The following SMYD3 variants were observed in gnomAD, a reference collection of about 807,000 sequenced individuals.
The protein encoded by SMYD3 is histone-lysine N-methyltransferase SMYD3.
In SMYD3, 36 loss-of-function variants were observed where a neutral mutation model predicts 57.7. That is an observed-to-expected ratio of 0.62 (90% CI 0.48 to 0.82). The LOEUF (loss-of-function observed/expected upper bound fraction) is 0.82. Ranked by LOEUF, SMYD3 falls within the 40% of genes least tolerant of loss-of-function variation. SMYD3 has a pLI of 0.00. For missense variants in SMYD3, 515 were observed against 538.8 expected (o/e 0.96, Z 0.44); for synonymous variants, 211 against 195.0 (o/e 1.08, Z -0.68).
intron 5 of SMYD3, among the ~76,000 whole-genome samples, chr1:246,152,047 G>C (rs1205965841): frequency 6.6e-6 from 1 of 152,208 alleles, no homozygotes; most frequent in African/African-American, 2.4e-5. Flanking sequence ...CGCTGTTTCT[G>C]GGAGCTCAAG....
At chr1:245,960,519 C>T (rs1156512644) in intron 5 of SMYD3, among the ~76,000 whole-genome samples, 3 of 152,028 alleles carry the variant, frequency 2.0e-5, no homozygotes, top group South Asian at 4.2e-4. Context: ...CTTAGAAGGC[C>T]GAGGCCAGCC....
intron 5 of SMYD3, among the ~76,000 whole-genome samples, chr1:246,319,392 G>C (rs528118457): frequency 1.5e-4 from 23 of 152,288 alleles, no homozygotes; most frequent in African/African-American, 5.1e-4. Flanking sequence ...CGCTTTTAGT[G>C]TTAAATATTT....
chr1:246,354,664 A>G (rs1387317254), intron 2 of SMYD3, among the ~76,000 whole-genome samples: 1 of 150,678 alleles, frequency 6.6e-6, no homozygotes, highest in Non-Finnish European at 1.5e-5. Context: ...TTTTTTTTAA[A>G]CATAGGATGT....
intron 10 of SMYD3, among the ~76,000 whole-genome samples, chr1:245,775,796 A>G (rs550582898): frequency 3.7e-4 from 56 of 152,300 alleles, no homozygotes; most frequent in Admixed American, 1.0e-3. Flanking sequence ...CTTAAAAAGG[A>G]TAAAGATGAA....
At chr1:245,983,699 T>A (rs1363908897) in intron 5 of SMYD3, among the ~76,000 whole-genome samples, 1 of 152,172 alleles carries the variant, frequency 6.6e-6, no homozygotes, top group East Asian at 1.9e-4. Context: ...CCTGAAAGTA[T>A]CCAAAGATTA....
At chr1:246,050,256 C>T (rs191950698) in intron 5 of SMYD3, among the ~76,000 whole-genome samples, 114 of 152,204 alleles carry the variant, frequency 7.5e-4, no homozygotes, top group African/African-American at 2.5e-3. Context: ...GCCAGGTAGC[C>T]CAGTGCAACA....
At chr1:246,104,393 G>A (rs565391349) in intron 5 of SMYD3, among the ~76,000 whole-genome samples, 1 of 152,356 alleles carries the variant, frequency 6.6e-6, no homozygotes, top group South Asian at 2.1e-4. Context: ...CTGTTCACCA[G>A]AGACTGTTGT....
intron 5 of SMYD3, chr1:245,955,879 T>G (rs1326137586): frequency 1.4e-6 from 1 of 703,966 alleles, no homozygotes; most frequent in Non-Finnish European, 1.7e-6. Flanking sequence ...GTTTTGGGTT[T>G]TTTTTTTTTT....
At chr1:246,287,297 C>T (rs1287959719) in intron 5 of SMYD3, among the ~76,000 whole-genome samples, 6 of 152,092 alleles carry the variant, frequency 3.9e-5, no homozygotes, top group East Asian at 3.8e-4. Context: ...ATATAGTTTT[C>T]GGAATAATAA....
At chr1:246,126,989 G>A (rs4654211) in intron 5 of SMYD3, among the ~76,000 whole-genome samples, 73,772 of 151,952 alleles carry the variant, frequency 0.49, 21,210 homozygotes, top group Non-Finnish European at 0.66. Context: ...CAAAGATGCA[G>A]CACTGAATCT....
At chr1:246,068,883 T>A (rs1001353210) in intron 5 of SMYD3, among the ~76,000 whole-genome samples, 1 of 152,098 alleles carries the variant, frequency 6.6e-6, no homozygotes, top group Non-Finnish European at 1.5e-5. Flanking sequence ...ATGCCTTACC[T>A]TACCCCTTAT....
At chr1:246,174,509 C>T (rs1308738239) in intron 5 of SMYD3, among the ~76,000 whole-genome samples, 1 of 152,188 alleles carries the variant, frequency 6.6e-6, no homozygotes, top group East Asian at 1.9e-4. Context: ...TGCAGTGGCA[C>T]AATTAAAGCC....
In SMYD3 at chr1:245,824,675, G is replaced by T. The variant is rs564327499; in HGVS notation, c.1076+33821C>A. ...GTTGGAGACCAGCCTGATCAACATGGAGAAACCCTGTTTCTACTAAAAATA... is the reference window on the plus strand; with the variant it reads ...GTTGGAGACCAGCCTGATCAACATGTAGAAACCCTGTTTCTACTAAAAATA... On this transcript the variant is annotated intron_variant, in intron 10 of 11. Coordinates refer to ENST00000490107, the MANE Select transcript of SMYD3 (RefSeq NM_001167740.2). Among the ~76,000 whole-genome samples the T allele has an allele frequency of 8.5e-5, 13 of 152,270 alleles. No individual in the cohort carries two copies. In the South Asian group the frequency reaches 2.5e-3, roughly 29 times the overall value.
At chr1:246,117,886 ATTCTTTCTGTGACAGAAT>A (rs141002011) in intron 5 of SMYD3, among the ~76,000 whole-genome samples, 25,966 of 151,908 alleles carry the variant, frequency 0.17, 3,310 homozygotes, top group African/African-American at 0.36. Context: ...CAAATTACAT[ATTCTTTCTGTGACAGAAT>A]TTCTTTCTGC....
intron 5 of SMYD3, among the ~76,000 whole-genome samples, chr1:246,007,285 A>G (rs978759659): frequency 2.0e-5 from 3 of 152,136 alleles, no homozygotes; most frequent in African/African-American, 7.2e-5. Flanking sequence ...CAAGAGGAAA[A>G]CTGATGCCAT....
intron 5 of SMYD3, among the ~76,000 whole-genome samples, chr1:246,071,542 C>T (rs2060443894): frequency 6.6e-6 from 1 of 152,024 alleles, no homozygotes. Context: ...AGGGGTGGTG[C>T]CATTATAATC....
intron 5 of SMYD3, among the ~76,000 whole-genome samples, chr1:246,297,447 T>G (rs1338371690): frequency 6.6e-6 from 1 of 152,118 alleles, no homozygotes; most frequent in African/African-American, 2.4e-5. Context: ...AATGGGTTAA[T>G]GAGTTAGCAG....
intron 1 of SMYD3, among the ~76,000 whole-genome samples, chr1:246,438,860 C>T (rs935652910): frequency 6.6e-6 from 1 of 151,372 alleles, no homozygotes; most frequent in Non-Finnish European, 1.5e-5. Context: ...ATGCACAGTT[C>T]ACAATAGGGT....
chr1:246,265,306 ATTT>A (rs78360899), intron 5 of SMYD3, among the ~76,000 whole-genome samples: 1 of 148,176 alleles, frequency 6.7e-6, no homozygotes, highest in African/African-American at 2.5e-5. Context: ...TAATTTTTGT[ATTT>A]TTTTTTTTTG....
Sources: allele counts gnomAD v4.1 joint callset (sites outside exome capture counted in the v4.1 genomes callset), GRCh38; gene constraint gnomAD v4.1.1; transcripts MANE v1.5; gene names NCBI Gene and HGNC (gene_info 2026-07-23, HGNC 2026-07-21).